STX16: variants seen among roughly 807,000 people sequenced by gnomAD.
The protein encoded by STX16 is syntaxin 16.
STX16 carries 28 observed loss-of-function variants against 42.7 expected under a neutral mutation model. The ratio of observed to expected loss-of-function variants is 0.66; its 90% CI spans 0.49 to 0.90. The LOEUF is 0.90. STX16 is among the 40% of genes least tolerant of loss of function. The pLI, the probability that STX16 is intolerant of heterozygous loss-of-function variation, is 0.00. For missense variants in STX16, 361 were observed against 420.9 expected, an observed-to-expected ratio of 0.86 and a Z score of 1.24; for synonymous variants, 156 against 155.2, an observed-to-expected ratio of 1.00 and a Z score of -0.04.
rs925264503 is a variant in STX16 at position 58,679,194 on chromosome 20, T to C, written c.*2903T>C. 2.0e-5 allele frequency: 3 copies of C among 152,542 alleles called. No homozygotes were observed. The highest frequency in any genetic ancestry group is 4.1e-4 in the South Asian group (2 of 4,830). The allele number at this position is 152,542 out of a possible 1,614,324, so 9.4% of individuals were successfully genotyped here. On this transcript the variant is annotated 3_prime_UTR_variant, in exon 9 of 9. Coordinates refer to ENST00000371141, the MANE Select transcript of STX16 (RefSeq NM_001001433.3). ...GGTGGTGCTGGCTGGGCCATGCTTG[T>C]GAAGTGATGTGTGTCTCTGATTTAA...
At chr20:58,670,741 G>T (rs1264530155) in intron 6 of STX16, 138 bp downstream of exon 6, 12 of 715,366 alleles carry the variant, frequency 1.7e-5, no homozygotes, top group Non-Finnish European at 2.9e-5. Flanking sequence ...TTGTTTTGCA[G>T]CAGGTGGAAG....
At chr20:58,671,451 T>G (rs2083972402) in intron 7 of STX16, among the ~76,000 whole-genome samples, 154 bp downstream of exon 7, 1 of 130,570 alleles carries the variant, frequency 7.7e-6, no homozygotes, top group Admixed American at 7.8e-5. Flanking sequence ...TGTGTGTGTG[T>G]GTGTGTGTGT....
rs192602667 is a variant in STX16, at chr20:58,668,162, G to A, written c.393+35G>A. ...GCAAGTGAGTCCTGGGGAAACCAGC[G>A]AGCCTTCTCATGGCAATCTCAGAAA... On this transcript the variant is annotated intron_variant, in intron 4 of 8. Transcript: ENST00000371141. 3.0e-3 allele frequency: 4,761 copies of A among 1,611,434 alleles called. 15 individuals are homozygous for A. Among genetic ancestry groups the A allele is most frequent in the Non-Finnish European group, 3.7e-3 (4,319 of 1,178,330 alleles).
Position 58,678,435 on chromosome 20 carries a change from A to C in STX16, c.*2144A>C, listed in dbSNP as rs1481490442. ...GAGAGGCCAAGGCGGTCACGAGGTC[A>C]GGAGTTCGAGACCAGCCTAGCCAAC... is the stretch of plus-strand genomic sequence containing the variant. On this transcript the variant is annotated 3_prime_UTR_variant, in exon 9 of 9. Coordinates refer to ENST00000371141, the MANE Select transcript of STX16 (RefSeq NM_001001433.3). 1 of 152,132 alleles carries C rather than the reference A, an allele frequency of 6.6e-6. No homozygotes were observed. The highest frequency in any genetic ancestry group is 2.4e-5 in the African/African-American group (1 of 41,424). 9.4% of individuals were successfully genotyped at this position (152,132 alleles called of 1,614,324 possible).
rs1297292016 is a variant in STX16 at position 58,671,440 on chromosome 20, G to A, written c.792+143G>A. 5.5e-3 allele frequency: 1,952 copies of A among 357,248 alleles called. 107 individuals carry two copies. The highest frequency in any genetic ancestry group is 0.021 in the African/African-American group (878 of 42,462). 22.1% of individuals were successfully genotyped at this position (357,248 alleles called of 1,614,324 possible). A position where few individuals can be genotyped will look rare whatever the true frequency, so the allele number is the denominator to read the frequency against. On this transcript the variant is annotated intron_variant, in intron 7 of 8. Coordinates refer to ENST00000371141, the MANE Select transcript of STX16 (RefSeq NM_001001433.3). ...ACCTGTCCTTTATGTGTGTGTGGGT[G>A]TGTGTGTGTGTGTGTGTGTGTGTGT...
chr20:58,653,958 T>A (rs1177439948), intron 1 of STX16, among the ~76,000 whole-genome samples: 1 of 152,104 alleles, frequency 6.6e-6, no homozygotes, highest in Non-Finnish European at 1.5e-5. Context: ...TTTAGAAAAT[T>A]ATTTTCTAAG....
chr20:58,668,157 C>T (rs2083881473), intron 4 of STX16, 30 bp downstream of exon 4: 1 of 1,611,692 alleles, frequency 6.2e-7, no homozygotes, highest in African/African-American at 1.3e-5. Context: ...CCTGGGGAAA[C>T]CAGCGAGCCT....
intron 7 of STX16, among the ~76,000 whole-genome samples, chr20:58,673,043 C>T (rs574706533): frequency 1.3e-5 from 2 of 152,206 alleles, no homozygotes; most frequent in Admixed American, 1.3e-4. Flanking sequence ...GCCCAGTGTC[C>T]CCGTCTTCCA....
At chr20:58,659,065 G>A (rs2083641103) in intron 1 of STX16, among the ~76,000 whole-genome samples, 1 of 152,260 alleles carries the variant, frequency 6.6e-6, no homozygotes, top group Non-Finnish European at 1.5e-5. Flanking sequence ...GTAATTTGCA[G>A]AGACCTTACA....
In STX16 at chr20:58,671,472, GTA is replaced by G. The variant is rs1555843149; in HGVS notation, c.792+179_792+180del. ...TGTGTGTGTGTGTGTGTGTGTGTGT[GTA>G]TATTAATATTAATCAAATATTAAAT... On this transcript the variant is annotated intron_variant, in intron 7 of 8. Transcript: ENST00000371141. Among the ~76,000 whole-genome samples, 418 of 98,110 alleles carry G rather than the reference GTA, an allele frequency of 4.3e-3. 4 individuals are homozygous for G. The highest frequency in any genetic ancestry group is 0.015 in the African/African-American group (371 of 24,880). The allele number at this position is 98,110 out of a possible 152,430, so 64.4% of individuals were successfully genotyped here.
chr20:58,676,109 C>T, intron 8 of STX16, 78 bp from the exon 9 acceptor site: 1 of 1,170,326 alleles, frequency 8.5e-7, no homozygotes, highest in Middle Eastern at 1.9e-4. Flanking sequence ...GATCTGGAAG[C>T]CTCATTCTGG....
chr20:58,671,391 C>A, intron 7 of STX16, 94 bp downstream of exon 7: 3 of 1,268,314 alleles, frequency 2.4e-6, no homozygotes, highest in Non-Finnish European at 3.2e-6. Flanking sequence ...AAAATTGGAG[C>A]CAATTTTCCC....
In STX16 at chr20:58,677,968, T is replaced by C. The variant is rs2084173658; in HGVS notation, c.*1677T>C. ...GGACCTGGTATTCCCTGACAAACAT[T>C]GCTTAGGAAAGAGGGCCGGAGAATA... On this transcript the variant is annotated 3_prime_UTR_variant, in exon 9 of 9. Transcript: ENST00000371141. The C allele has an allele frequency of 1.3e-5, 2 of 152,240 alleles. No homozygotes were observed. Among genetic ancestry groups the C allele is most frequent in the African/African-American group, 4.8e-5 (2 of 41,444 alleles). The allele number at this position is 152,240 out of a possible 1,614,324, so 9.4% of individuals were successfully genotyped here. A position where few individuals can be genotyped will look rare whatever the true frequency, so the allele number is the denominator to read the frequency against.
intron 8 of STX16, among the ~76,000 whole-genome samples, chr20:58,675,161 C>T (rs1380288755): frequency 6.6e-6 from 1 of 152,168 alleles, no homozygotes; most frequent in Non-Finnish European, 1.5e-5. Flanking sequence ...CATGACCGGA[C>T]TCTCGGTGCT....
chr20:58,658,608 G>A (rs2083630034), intron 1 of STX16, among the ~76,000 whole-genome samples: 2 of 151,936 alleles, frequency 1.3e-5, no homozygotes, highest in Non-Finnish European at 2.9e-5. Flanking sequence ...AGAAAGTTAT[G>A]TTTTATTTTC....
In STX16 at chr20:58,657,745, T is replaced by C. The variant is rs1375035361; in HGVS notation, c.133-1878T>C. Among the ~76,000 whole-genome samples, 1 of 152,242 alleles carries C rather than the reference T, an allele frequency of 6.6e-6. No homozygotes were observed. Among genetic ancestry groups the C allele is most frequent in the Non-Finnish European group, 1.5e-5 (1 of 68,048 alleles). On this transcript the variant is annotated intron_variant, in intron 1 of 8. Transcript: ENST00000371141. This position sits in a 1 kb window ranked among gnomAD's most constrained non-coding sequence, Gnocchi z 4.2. Reference sequence around the variant, plus strand: ...GTCTTGACTAAATTTCCTGGTAATTTGGTGGCAGACAGAATTTTGAAAGCC... The same window carrying C: ...GTCTTGACTAAATTTCCTGGTAATTCGGTGGCAGACAGAATTTTGAAAGCC...
intron 7 of STX16, among the ~76,000 whole-genome samples, 179 bp downstream of exon 7, chr20:58,671,476 AT>A (rs751143321): frequency 1.8e-4 from 17 of 96,378 alleles, no homozygotes; most frequent in Non-Finnish European, 2.8e-4. Context: ...GTGTGTGTAT[AT>A]TAATATTAAT....
Position 58,677,043 on chromosome 20 carries a change from CA to C in STX16, c.*756del, listed in dbSNP as rs1467018419. Reference sequence around the variant, plus strand: ...CTGTAAACCAAAAGAGGTTACTAAGCAAAACCACCTAAATTTAAGTTGGTGA... The same window carrying C: ...CTGTAAACCAAAAGAGGTTACTAAGCAAACCACCTAAATTTAAGTTGGTGA... On this transcript the variant is annotated 3_prime_UTR_variant, in exon 9 of 9. Transcript: ENST00000371141. The C allele has an allele frequency of 1.3e-5, 2 of 152,614 alleles. No individual in the cohort carries two copies. The highest frequency in any genetic ancestry group is 2.9e-5 in the Non-Finnish European group (2 of 68,034). 9.5% of individuals were successfully genotyped at this position (152,614 alleles called of 1,614,324 possible).
At chr20:58,673,737 A>G in intron 8 of STX16, 26 bp downstream of exon 8, 1 of 1,514,228 alleles carries the variant, frequency 6.6e-7, no homozygotes, top group South Asian at 1.1e-5. Context: ...AGACTTGGGA[A>G]TCTTAGGAAC....
Sources: allele counts gnomAD v4.1 joint callset (sites outside exome capture counted in the v4.1 genomes callset), GRCh38; gene constraint gnomAD v4.1.1; non-coding constraint Gnocchi (gnomAD v3.1); transcripts MANE v1.5; gene names NCBI Gene and HGNC (gene_info 2026-07-23, HGNC 2026-07-21).